AGAP3: variants seen among roughly 807,000 people sequenced by gnomAD.
The protein encoded by AGAP3 is ArfGAP with GTPase domain, ankyrin repeat and PH domain 3, also known as arf-GAP with GTPase, ANK repeat and PH domain-containing protein 3.
AGAP3 carries 24 observed loss-of-function variants against 96.9 expected under a neutral mutation model. That is an observed-to-expected ratio of 0.25 (90% CI 0.18 to 0.35). The LOEUF is 0.35. Among genes scored for constraint, AGAP3 ranks in the 10% least tolerant of loss-of-function variants. AGAP3 has a pLI of 1.00. For missense variants in AGAP3, 876 were observed against 1,254.2 expected (o/e 0.70, Z 4.55); for synonymous variants, 563 against 536.1 (o/e 1.05, Z -0.69).
intron 1 of AGAP3, among the ~76,000 whole-genome samples, chr7:151,095,215 T>C (rs886678632): frequency 1.3e-5 from 2 of 152,226 alleles, no homozygotes; most frequent in African/African-American, 4.8e-5. Flanking sequence ...ATTTCTCTGT[T>C]TGCTGCAAGT....
chr7:151,112,882 G>A (rs1020899526), intron 1 of AGAP3, among the ~76,000 whole-genome samples: 38 of 152,226 alleles, frequency 2.5e-4, no homozygotes, highest in Non-Finnish European at 4.1e-4. Flanking sequence ...GATTACAGGC[G>A]CGAGACACGG....
Position 151,117,174 on chromosome 7 carries a change from C to T in AGAP3, c.470C>T (p.Ser157Phe). 1 of 1,613,506 alleles carries T rather than the reference C, an allele frequency of 6.2e-7. No homozygotes were observed. Among genetic ancestry groups the T allele is most frequent in the Non-Finnish European group, 8.5e-7 (1 of 1,179,536 alleles). ...ACGGGGACCTATGTCCAGGAGGAGT[C>T]CCCTGAAGGTGAGCGTCACAGGCCC... ...YLTGTYVQEESPEGGRFKKEI... is the reference protein window; with the variant it reads ...YLTGTYVQEEFPEGGRFKKEI... The change falls in exon 3 of 18, where the codon TCC becomes TTC. Residue 157 changes from serine to phenylalanine, a missense_variant. By Grantham distance (155) the Ser-to-Phe change is radical. This residue lies in a region of AGAP3 where 131 missense variants were observed against 304.5 expected (regional missense o/e 0.43). Coordinates refer to ENST00000397238, the MANE Select transcript of AGAP3 (RefSeq NM_031946.7).
intron 8 of AGAP3, among the ~76,000 whole-genome samples, chr7:151,121,201 C>T (rs1004694194): frequency 2.6e-5 from 4 of 152,202 alleles, no homozygotes; most frequent in African/African-American, 9.7e-5. Flanking sequence ...TGTCCCGAGC[C>T]CGCCACCTGC....
intron 1 of AGAP3, among the ~76,000 whole-genome samples, chr7:151,094,614 G>A (rs1798525474): frequency 6.6e-6 from 1 of 152,072 alleles, no homozygotes; most frequent in Admixed American, 6.6e-5. Flanking sequence ...ATTTTTGAGA[G>A]GTCATTTGCA....
At chr7:151,107,585 T>C (rs751597003) in intron 1 of AGAP3, among the ~76,000 whole-genome samples, 12 of 151,998 alleles carry the variant, frequency 7.9e-5, no homozygotes, top group Admixed American at 1.3e-4. Context: ...GATGGCGCCA[T>C]TGCACTCCAG....
chr7:151,112,396 CGTGTGTG>C (rs1382531565), intron 1 of AGAP3, among the ~76,000 whole-genome samples: 1 of 139,848 alleles, frequency 7.2e-6, no homozygotes, highest in African/African-American at 2.6e-5. Context: ...TTCCCCGAGA[CGTGTGTG>C]TGTGTGTGTG....
chr7:151,139,754 C>T lies in AGAP3; in HGVS notation c.1667-225C>T, dbSNP rs1800748599. 7.6e-6 allele frequency: 3 copies of T among 394,570 alleles called. No homozygotes were observed. Among genetic ancestry groups the T allele is most frequent in the South Asian group, 8.5e-5 (1 of 11,806 alleles). The allele number at this position is 394,570 out of a possible 1,614,324, so 24.4% of individuals were successfully genotyped here. On this transcript the variant is annotated intron_variant, in intron 12 of 17. Transcript: ENST00000397238. This position sits in a 1 kb window ranked among gnomAD's most constrained non-coding sequence, Gnocchi z 4.9. ...TCCCTTTGCCTCCATCCTGCTCTGC[C>T]TAAGTTTCCTATTCTCTTTCCACAT... is the stretch of plus-strand genomic sequence containing the variant.
intron 9 of AGAP3, among the ~76,000 whole-genome samples, chr7:151,124,408 G>C (rs55816533): frequency 2.6e-5 from 4 of 152,122 alleles, no homozygotes; most frequent in Non-Finnish European, 4.4e-5. Flanking sequence ...CCACACCTCC[G>C]GTCTTGGATT....
Position 151,114,837 on chromosome 7 carries a change from C to T in AGAP3, c.332-1956C>T. ...GCGGCCCGCCGCTTGCCGCCGCGCCCACAGCGTCTGCGACTCGCTGGACCT... is the reference window on the plus strand; with the variant it reads ...GCGGCCCGCCGCTTGCCGCCGCGCCTACAGCGTCTGCGACTCGCTGGACCT... On this transcript the variant is annotated intron_variant, in intron 1 of 17. Transcript: ENST00000397238. This position sits in a 1 kb window ranked among gnomAD's most constrained non-coding sequence, Gnocchi z 4.4. 9.5e-7 allele frequency: 1 copy of T among 1,056,746 alleles called. No individual in the cohort carries two copies. The highest frequency in any genetic ancestry group is 1.1e-6 in the Non-Finnish European group (1 of 876,750). 65.5% of individuals were successfully genotyped at this position (1,056,746 alleles called of 1,614,324 possible). A position where few individuals can be genotyped will look rare whatever the true frequency, so the allele number is the denominator to read the frequency against.
Position 151,118,686 on chromosome 7 carries a change from T to A in AGAP3, c.969+54T>A. 1 of 1,589,942 alleles carries A rather than the reference T, an allele frequency of 6.3e-7. No homozygotes were observed. Among genetic ancestry groups the A allele is most frequent in the Non-Finnish European group, 8.6e-7 (1 of 1,168,790 alleles). On this transcript the variant is annotated intron_variant, in intron 7 of 17. Coordinates refer to ENST00000397238, the MANE Select transcript of AGAP3 (RefSeq NM_031946.7). The surrounding 1 kb of genome is among the most constrained non-coding windows in gnomAD (Gnocchi z 6.1). ...CTGTCCCCACCATGTCTGTCTTGCCTCTGTGCGTCCTGCCACTTCTGCTGG... is the reference window on the plus strand; with the variant it reads ...CTGTCCCCACCATGTCTGTCTTGCCACTGTGCGTCCTGCCACTTCTGCTGG...
At chr7:151,109,038 C>G (rs567349982) in intron 1 of AGAP3, among the ~76,000 whole-genome samples, 59 of 152,116 alleles carry the variant, frequency 3.9e-4, no homozygotes, top group Non-Finnish European at 5.6e-4. Flanking sequence ...CAACCTAAGT[C>G]TGTTCCTAGC....
intron 5 of AGAP3, 37 bp downstream of exon 5, chr7:151,117,814 G>A: frequency 6.3e-7 from 1 of 1,578,338 alleles, no homozygotes; most frequent in East Asian, 2.2e-5. Flanking sequence ...CAGAGAGCAG[G>A]AAGTCCCGGG....
rs1479800341 is a variant in AGAP3, at chr7:151,108,236, C to T, written c.332-8557C>T. 6.6e-6 allele frequency among the ~76,000 whole-genome samples: 1 copy of T among 152,224 alleles called. No individual in the cohort carries two copies. The highest frequency in any genetic ancestry group is 1.5e-5 in the Non-Finnish European group (1 of 68,042). On this transcript the variant is annotated intron_variant, in intron 1 of 17. Coordinates refer to ENST00000397238, the MANE Select transcript of AGAP3 (RefSeq NM_031946.7). This position sits in a 1 kb window ranked among gnomAD's most constrained non-coding sequence, Gnocchi z 4.2. ...CCTTTGTCCTGTCCACCATTGCACC[C>T]AGCACAGAGCTCATGGATAGACAGG...
intron 1 of AGAP3, among the ~76,000 whole-genome samples, chr7:151,088,795 G>C (rs1314095952): frequency 1.3e-5 from 2 of 152,164 alleles, no homozygotes; most frequent in Non-Finnish European, 2.9e-5. Context: ...GCTGATTCCT[G>C]GGGCGCCCTT....
intron 1 of AGAP3, chr7:151,112,197 T>A (rs933350435): frequency 1.5e-4 from 23 of 152,130 alleles, no homozygotes; most frequent in African/African-American, 5.3e-4. Context: ...TTTCTCCGGG[T>A]CAGGAAAGTT....
At chr7:151,119,744 T>A (rs1331611051) in intron 7 of AGAP3, among the ~76,000 whole-genome samples, 1 of 152,178 alleles carries the variant, frequency 6.6e-6, no homozygotes, top group Admixed American at 6.5e-5. Context: ...GAAGCACTCC[T>A]GCCGGGGCCC....
rs1273433188 is a variant in AGAP3 at position 151,114,555 on chromosome 7, C to T, written c.332-2238C>T. On this transcript the variant is annotated intron_variant, in intron 1 of 17. Coordinates refer to ENST00000397238, the MANE Select transcript of AGAP3 (RefSeq NM_031946.7). This position sits in a 1 kb window ranked among gnomAD's most constrained non-coding sequence, Gnocchi z 4.4. ...GCCGCGCCGCCGTTCCCGGGCGTTC[C>T]AGGCCAGACTTGCCGCCTCTCTCTC... 7 of 299,396 alleles carry T rather than the reference C, an allele frequency of 2.3e-5. No homozygotes were observed. The highest frequency in any genetic ancestry group is 3.5e-5 in the Non-Finnish European group (7 of 201,850). The allele number at this position is 299,396 out of a possible 1,614,324, so 18.5% of individuals were successfully genotyped here.
chr7:151,089,361 C>A (rs1022648722), intron 1 of AGAP3, among the ~76,000 whole-genome samples: 3 of 152,170 alleles, frequency 2.0e-5, no homozygotes, highest in African/African-American at 7.2e-5. Flanking sequence ...GCCCTCCACC[C>A]CCAGCCCCAG....
chr7:151,111,301 C>T (rs184335496), intron 1 of AGAP3, among the ~76,000 whole-genome samples: 54 of 152,308 alleles, frequency 3.5e-4, no homozygotes, highest in African/African-American at 1.2e-3. Context: ...CACCTGGCTG[C>T]TGGTGGTTCT....
Sources: gnomAD v4.1 joint callset for allele counts (sites outside exome capture counted in the v4.1 genomes callset) on GRCh38, gnomAD v4.1.1 for gene constraint, gnomAD v4.1.1 regional missense constraint, Gnocchi (gnomAD v3.1) non-coding constraint, MANE v1.5 for transcripts, NCBI Gene and HGNC (gene_info 2026-07-23, HGNC 2026-07-21) for gene names.